Variants in DMC1 observed in about 807,000 individuals in gnomAD.
DMC1 encodes meiotic recombination protein DMC1 homolog.
A neutral mutation model predicts 50.1 loss-of-function variants in DMC1; 27 were observed. That is an observed-to-expected ratio of 0.54 (90% CI 0.40 to 0.74). DMC1 has a LOEUF of 0.74. DMC1 is among the 30% of genes least tolerant of loss of function. The pLI is 0.00. For missense variants in DMC1, 295 were observed against 420.2 expected (o/e 0.70, Z 2.60); for synonymous variants, 148 against 136.1 (o/e 1.09, Z -0.61).
chr22:38,537,900 T>C (rs2090232878), intron 11 of DMC1, among the ~76,000 whole-genome samples: 1 of 152,156 alleles, frequency 6.6e-6, no homozygotes, highest in Middle Eastern at 3.2e-3. Flanking sequence ...ATCCCAGCAC[T>C]TTGGGAGGCT....
In DMC1 at chr22:38,539,381, G is replaced by T. The variant is rs745397961; in HGVS notation, c.526C>A (p.Arg176Ser). 1.2e-6 allele frequency: 2 copies of T among 1,613,962 alleles called. No individual in the cohort carries two copies. Among genetic ancestry groups the T allele is most frequent in the South Asian group, 2.2e-5 (2 of 91,062 alleles). The change falls in exon 9 of 14, where the codon CGC becomes AGC. Residue 176 changes from arginine to serine, a missense_variant. Physicochemically the swap from Arg to Ser is moderately radical, Grantham distance 110. Coordinates refer to ENST00000216024, the MANE Select transcript of DMC1 (RefSeq NM_007068.4). ...ACTGCATCATGGTCTACATTAAAGC[G>T]ATCAGCAATGTCCCTAAGGCGATCT... ...RPDRLRDIADRFNVDHDAVLD... is the reference protein window; with the variant it reads ...RPDRLRDIADSFNVDHDAVLD...
chr22:38,567,039 C>A (rs566790821), intron 3 of DMC1, among the ~76,000 whole-genome samples: 1 of 152,210 alleles, frequency 6.6e-6, no homozygotes, highest in African/African-American at 2.4e-5. Context: ...AAATTTATCA[C>A]ACATTCACCC....
intron 12 of DMC1, among the ~76,000 whole-genome samples, chr22:38,523,075 T>TA (rs2090047016): frequency 6.6e-6 from 1 of 152,168 alleles, no homozygotes; most frequent in African/African-American, 2.4e-5. Context: ...GAGGCCCTCT[T>TA]AAAAACATTT....
At chr22:38,538,248 T>C (rs368393201) in intron 11 of DMC1, 47 bp downstream of exon 11, 5 of 1,494,262 alleles carry the variant, frequency 3.3e-6, no homozygotes, top group East Asian at 4.5e-5. Flanking sequence ...CTGCAAAGTA[T>C]ACTTGACAAA....
chr22:38,530,805 C>T (rs1343907817), intron 12 of DMC1, among the ~76,000 whole-genome samples: 1 of 152,014 alleles, frequency 6.6e-6, no homozygotes, highest in Non-Finnish European at 1.5e-5. Flanking sequence ...TGTGGTGGCT[C>T]ACACCTGTAA....
At chr22:38,550,726 T>C (rs1168678476) in intron 7 of DMC1, among the ~76,000 whole-genome samples, 1 of 137,984 alleles carries the variant, frequency 7.2e-6, no homozygotes. Flanking sequence ...AGGTCAAGGG[T>C]TCAAGACCAG....
At chr22:38,561,683 A>G (rs1238027328) in intron 5 of DMC1, among the ~76,000 whole-genome samples, 1 of 152,138 alleles carries the variant, frequency 6.6e-6, no homozygotes, top group Admixed American at 6.5e-5. Context: ...TTCTTAATGT[A>G]TCTTGTGAGG....
chr22:38,537,337 C>T (rs1016809087), intron 12 of DMC1, among the ~76,000 whole-genome samples: 2 of 152,194 alleles, frequency 1.3e-5, no homozygotes, highest in Non-Finnish European at 2.9e-5. Flanking sequence ...CCTCAGCCTC[C>T]GGAGTAGCTG....
At chr22:38,520,974 G>A (rs1204316331) in intron 13 of DMC1, among the ~76,000 whole-genome samples, 1 of 151,364 alleles carries the variant, frequency 6.6e-6, no homozygotes, top group Admixed American at 6.6e-5. Flanking sequence ...GGCCTCAGGT[G>A]ATCCGCCCAC....
intron 8 of DMC1, among the ~76,000 whole-genome samples, chr22:38,540,724 C>A (rs189401775): frequency 6.6e-6 from 1 of 152,294 alleles, no homozygotes; most frequent in African/African-American, 2.4e-5. Flanking sequence ...CCACAAAAAT[C>A]TTCCATTGTT....
chr22:38,556,200 A>C (rs2090467772), intron 5 of DMC1, among the ~76,000 whole-genome samples: 1 of 152,002 alleles, frequency 6.6e-6, no homozygotes, highest in Non-Finnish European at 1.5e-5. Context: ...TTGAATTTTC[A>C]ATGTTTTTTC....
chr22:38,565,845 C>G (rs1156963082), intron 4 of DMC1, among the ~76,000 whole-genome samples: 9 of 152,222 alleles, frequency 5.9e-5, no homozygotes, highest in African/African-American at 2.2e-4. Flanking sequence ...GCTCTCTTAT[C>G]AATTGGCTAT....
chr22:38,553,353 C>G (rs969859161), intron 6 of DMC1, among the ~76,000 whole-genome samples: 2 of 149,190 alleles, frequency 1.3e-5, no homozygotes, highest in African/African-American at 4.9e-5. Context: ...AAAAAATTAG[C>G]TGGGTGTGGT....
In DMC1 at chr22:38,538,868, C is replaced by G. The variant is rs555222773; in HGVS notation, c.587-256G>C. Among the ~76,000 whole-genome samples, 4 of 152,094 alleles carry G rather than the reference C, an allele frequency of 2.6e-5. No homozygotes were observed. The East Asian group carries it at 7.7e-4, about 29-fold the overall frequency. On this transcript the variant is annotated intron_variant, in intron 9 of 13. Transcript: ENST00000216024. ...TTGCCAACATGGTGAAACCCTGACT[C>G]TACTAAAAAATACAAAAATTAGCTG...
In DMC1 at chr22:38,558,731, C is replaced by CA. The variant is rs201487045; in HGVS notation, c.327-3323dup. 4.4e-3 allele frequency among the ~76,000 whole-genome samples: 664 copies of CA among 150,536 alleles called. 2 individuals are homozygous for CA. The highest frequency in any genetic ancestry group is 0.014 in the Middle Eastern group (4 of 294). On this transcript the variant is annotated intron_variant, in intron 5 of 13. Transcript: ENST00000216024. Reference sequence around the variant, plus strand: ...CTCTGTCTCAAAAGCAAACAAACAACAAAAAAAAACCTAGCTCCTGAATGA... The same window carrying CA: ...CTCTGTCTCAAAAGCAAACAAACAACAAAAAAAAAACCTAGCTCCTGAATGA...
At chr22:38,541,689 GA>G (rs1414069240) in intron 8 of DMC1, among the ~76,000 whole-genome samples, 2 of 152,158 alleles carry the variant, frequency 1.3e-5, no homozygotes, top group African/African-American at 4.8e-5. Flanking sequence ...ACCGGTTACG[GA>G]AACAAAAACT....
rs757835564 is a variant in DMC1, at chr22:38,538,517, A to G, written c.660+22T>C. The G allele has an allele frequency of 1.6e-5, 25 of 1,612,516 alleles. 1 individual carries two copies. The South Asian group carries it at 2.7e-4, about 18-fold the overall frequency. ...ATATTATGCTAAATAGCTCTGTGAA[A>G]GCAATATTTAAAAGCTTGTACCAAT... On this transcript the variant is annotated intron_variant, in intron 10 of 13. Transcript: ENST00000216024.
chr22:38,568,498 C>A, intron 1 of DMC1: 1 of 554,598 alleles, frequency 1.8e-6, no homozygotes, highest in East Asian at 3.0e-5. Flanking sequence ...TCCCCACATG[C>A]ACACAGATGC....
chr22:38,544,911 C>T (rs2090327582), intron 8 of DMC1, among the ~76,000 whole-genome samples: 1 of 151,928 alleles, frequency 6.6e-6, no homozygotes, highest in South Asian at 2.1e-4. Flanking sequence ...GGATTACAGG[C>T]ATGAGCCACT....
Sources: allele counts gnomAD v4.1 joint callset (sites outside exome capture counted in the v4.1 genomes callset), GRCh38; gene constraint gnomAD v4.1.1; transcripts MANE v1.5; gene names NCBI Gene and HGNC (gene_info 2026-07-23, HGNC 2026-07-21).